Variants in FUBP3 observed in about 807,000 individuals in gnomAD.
The protein encoded by FUBP3 is far upstream element-binding protein 3.
In FUBP3, 28 loss-of-function variants were observed where a neutral mutation model predicts 85.6. The ratio of observed to expected loss-of-function variants is 0.33; its 90% CI spans 0.24 to 0.45. The LOEUF (loss-of-function observed/expected upper bound fraction) is 0.45, where lower values mean the gene tolerates loss of function less well. Among genes scored for constraint, FUBP3 ranks in the 20% least tolerant of loss-of-function variants. FUBP3 has a pLI of 1.00. For missense variants in FUBP3, 583 were observed against 755.1 expected (o/e 0.77, Z 2.67); for synonymous variants, 271 against 271.4 (o/e 1.00, Z 0.01).
At position 130,616,529 on chromosome 9, in the gene FUBP3, C is replaced by T. The variant is rs755328110; in HGVS notation, c.567+12C>T. 6.9e-6 allele frequency: 11 copies of T among 1,603,074 alleles called. No individual in the cohort carries two copies. The highest frequency in any genetic ancestry group is 6.7e-5 in the East Asian group (3 of 44,868). On this transcript the variant is annotated intron_variant, in intron 7 of 18. Coordinates refer to ENST00000319725, the MANE Select transcript of FUBP3 (RefSeq NM_003934.2). This position sits in a 1 kb window ranked among gnomAD's most constrained non-coding sequence, Gnocchi z 4.7. Reference sequence around the variant, plus strand: ...TCAAGCAGTTGCAGGTGTGTGAGCCCGGAGCACGGAGCACAGCGGCCGCTC... The same window carrying T: ...TCAAGCAGTTGCAGGTGTGTGAGCCTGGAGCACGGAGCACAGCGGCCGCTC...
rs753195838 is a variant in FUBP3, at chr9:130,595,541, C to G, written c.143C>G (p.Pro48Arg). 6.3e-7 allele frequency: 1 copy of G among 1,593,308 alleles called. No individual in the cohort carries two copies. The highest frequency in any genetic ancestry group is 8.6e-7 in the Non-Finnish European group (1 of 1,161,024). ...HLNNSTPLVDPSVYGYGVQKR... is the reference protein window; with the variant it reads ...HLNNSTPLVDRSVYGYGVQKR... ...AATAATTCCACACCTCTAGTGGACC[C>G]CTCAGTATATGGATACGGAGTACAA... The change falls in exon 2 of 19, where the codon CCC becomes CGC. Residue 48 changes from proline (P) to arginine (R), a missense_variant. Coordinates refer to ENST00000319725, the MANE Select transcript of FUBP3 (RefSeq NM_003934.2).
rs1024033375 is a variant in FUBP3, at chr9:130,635,674, C to T, written c.1583-325C>T. Among the ~76,000 whole-genome samples the T allele has an allele frequency of 6.6e-6, 1 of 152,108 alleles. No individual in the cohort carries two copies. The highest frequency in any genetic ancestry group is 2.4e-5 in the African/African-American group (1 of 41,428). ...TAGGTACTCCCCTTCTCCCCCACCC[C>T]CACCCCAGGATCCCCCCTTCTCTGT... is the stretch of plus-strand genomic sequence containing the variant. On this transcript the variant is annotated intron_variant, in intron 17 of 18. Transcript: ENST00000319725. This position sits in a 1 kb window ranked among gnomAD's most constrained non-coding sequence, Gnocchi z 4.3.
chr9:130,630,871 C>G, intron 13 of FUBP3, 83 bp downstream of exon 13: 1 of 1,007,816 alleles, frequency 9.9e-7, no homozygotes. Flanking sequence ...TTCCCACCAC[C>G]TTGTGCTGCT....
chr9:130,614,606 T>C (rs1831908469), intron 6 of FUBP3, among the ~76,000 whole-genome samples: 1 of 152,222 alleles, frequency 6.6e-6, no homozygotes, highest in Admixed American at 6.5e-5. Context: ...GGAGTGTACA[T>C]TCACCCCACC....
chr9:130,599,108 C>T (rs1388917071), intron 2 of FUBP3, among the ~76,000 whole-genome samples: 1 of 152,130 alleles, frequency 6.6e-6, no homozygotes, highest in Non-Finnish European at 1.5e-5. Flanking sequence ...CTGGCTGACA[C>T]GGTGAAACCC....
rs368548768 is a variant in FUBP3, at chr9:130,632,295, G to A, written c.1510+17G>A. 2.5e-4 allele frequency: 403 copies of A among 1,591,566 alleles called. No individual in the cohort carries two copies. The African/African-American group carries it at 4.6e-3, about 18-fold the overall frequency. On this transcript the variant is annotated intron_variant, in intron 16 of 18. Coordinates refer to ENST00000319725, the MANE Select transcript of FUBP3 (RefSeq NM_003934.2). The stretch of plus-strand genomic sequence containing the variant: ...AGGTCCCAAGTAAGTGACTCGGGGC[G>A]GGGAGTGCATGCCCTCCAGAAAGGT...
chr9:130,612,904 G>A lies in FUBP3; in HGVS notation c.275-52G>A. 1 of 1,164,052 alleles carries A rather than the reference G, an allele frequency of 8.6e-7. No individual in the cohort carries two copies. The highest frequency in any genetic ancestry group is 1.3e-6 in the Non-Finnish European group (1 of 772,662). 72.1% of individuals were successfully genotyped at this position (1,164,052 alleles called of 1,614,324 possible). A position where few individuals can be genotyped will look rare whatever the true frequency, so the allele number is the denominator to read the frequency against. On this transcript the variant is annotated intron_variant, in intron 4 of 18. Transcript: ENST00000319725. This position sits in a 1 kb window ranked among gnomAD's most constrained non-coding sequence, Gnocchi z 4.1. ...GGAATTAATTCAGTCATTCCTGCGT[G>A]GTGAAATATGGAATAGGGGCGTGTA...
In FUBP3 at chr9:130,579,639, T is replaced by TCGGCGGCGTCGG; in HGVS notation, c.-33_-22dup. The TCGGCGGCGTCGG allele has an allele frequency of 8.6e-7, 1 of 1,159,746 alleles. No individual in the cohort carries two copies. The highest frequency in any genetic ancestry group is 1.1e-6 in the Non-Finnish European group (1 of 921,378). The allele number at this position is 1,159,746 out of a possible 1,614,324, so 71.8% of individuals were successfully genotyped here. ...CGGACCGGGGAGCCGAGCGGCGGCG[T>TCGGCGGCGTCGG]CGGCGGCGTCGGCGGCGGCGGCGAC... On this transcript the variant is annotated 5_prime_UTR_variant, in exon 1 of 19. Coordinates refer to ENST00000319725, the MANE Select transcript of FUBP3 (RefSeq NM_003934.2).
At chr9:130,604,640 G>C (rs1831326989) in intron 2 of FUBP3, among the ~76,000 whole-genome samples, 1 of 152,206 alleles carries the variant, frequency 6.6e-6, no homozygotes. Flanking sequence ...GGTTGCTCAT[G>C]CTTGTAATCC....
chr9:130,636,475 G>T (rs914750454), intron 18 of FUBP3, among the ~76,000 whole-genome samples: 1 of 152,242 alleles, frequency 6.6e-6, no homozygotes, highest in Admixed American at 6.5e-5. Context: ...AAGTGCAGAG[G>T]GTGCGCTCCG....
intron 1 of FUBP3, among the ~76,000 whole-genome samples, chr9:130,592,897 C>A (rs148191568): frequency 1.0e-3 from 152 of 152,292 alleles, no homozygotes; most frequent in African/African-American, 3.6e-3. Flanking sequence ...TTAAGACTTG[C>A]AGTAGCTGCC....
chr9:130,632,066 G>A, intron 15 of FUBP3, 44 bp downstream of exon 15: 1 of 1,514,444 alleles, frequency 6.6e-7, no homozygotes, highest in Non-Finnish European at 9.2e-7. Context: ...ACGGCACTAA[G>A]GTGGTCACTT....
At chr9:130,636,948 G>A (rs1436595371) in intron 18 of FUBP3, 66 bp from the exon 19 acceptor site, 10 of 1,432,248 alleles carry the variant, frequency 7.0e-6, no homozygotes, top group Non-Finnish European at 8.9e-6. Context: ...ACCTGGGGGA[G>A]GTCACTGGCA....
At chr9:130,629,743 G>C (rs572922114) in intron 12 of FUBP3, among the ~76,000 whole-genome samples, 8 of 152,274 alleles carry the variant, frequency 5.3e-5, no homozygotes, top group Non-Finnish European at 1.2e-4. Context: ...GCTCGCTGCT[G>C]CCCTATACCA....
At chr9:130,585,424 AGCTC>A (rs1830300959) in intron 1 of FUBP3, among the ~76,000 whole-genome samples, 1 of 152,188 alleles carries the variant, frequency 6.6e-6, no homozygotes, top group Admixed American at 6.5e-5. Flanking sequence ...TCTAATGGAA[AGCTC>A]TGGATTGAGA....
Position 130,622,765 on chromosome 9 carries a change from A to G in FUBP3, c.829A>G (p.Lys277Glu), listed in dbSNP as rs1261482932. Residue 277 changes from lysine (K) to glutamate (E), a missense_variant, in exon 10 of 19, where the codon AAA (lysine) becomes GAA (glutamate). Lys to Glu is a moderately conservative substitution (Grantham distance 56). Around this residue, in one of 3 missense-constraint regions of FUBP3, gnomAD observed 404 missense variants for 516.8 expected, o/e 0.78. Transcript: ENST00000319725. The part of the protein sequence containing the change: ...IVIGRNGEMI[K>E]KIQNDAGVRI... ...AATAGGAAGAAACGGGGAAATGATC[A>G]AAAAGATCCAGAATGATGCTGGTGT... 1 of 1,602,414 alleles carries G rather than the reference A, an allele frequency of 6.2e-7. No individual in the cohort carries two copies.
At chr9:130,614,481 A>C (rs1831902746) in intron 6 of FUBP3, 136 bp downstream of exon 6, 2 of 570,020 alleles carry the variant, frequency 3.5e-6, no homozygotes, top group African/African-American at 1.9e-5. Context: ...ATTCCATAGG[A>C]AAAAAATCTG....
Position 130,579,622 on chromosome 9 carries a change from G to A in FUBP3, c.-59G>A. ...CAAGCGGAGCGGGAGGCCGGACCGG[G>A]GAGCCGAGCGGCGGCGTCGGCGGCG... On this transcript the variant is annotated 5_prime_UTR_variant, in exon 1 of 19. Coordinates refer to ENST00000319725, the MANE Select transcript of FUBP3 (RefSeq NM_003934.2). The A allele has an allele frequency of 1.9e-6, 2 of 1,072,926 alleles. No individual in the cohort carries two copies. Among genetic ancestry groups the A allele is most frequent in the South Asian group, 9.4e-5 (2 of 21,354 alleles). 66.5% of individuals were successfully genotyped at this position (1,072,926 alleles called of 1,614,324 possible). A position where few individuals can be genotyped will look rare whatever the true frequency, so the allele number is the denominator to read the frequency against.
At chr9:130,624,639 G>GTGTC (rs1829894208) in intron 11 of FUBP3, among the ~76,000 whole-genome samples, 1 of 150,694 alleles carries the variant, frequency 6.6e-6, no homozygotes, top group East Asian at 1.9e-4. Context: ...GTGTGTGTGT[G>GTGTC]TGTGTGTGTG....
Sources: gnomAD v4.1 joint callset for allele counts (sites outside exome capture counted in the v4.1 genomes callset) on GRCh38, gnomAD v4.1.1 for gene constraint, gnomAD v4.1.1 regional missense constraint, Gnocchi (gnomAD v3.1) non-coding constraint, MANE v1.5 for transcripts, NCBI Gene and HGNC (gene_info 2026-07-23, HGNC 2026-07-21) for gene names.